The following TMEM101 variants were observed in gnomAD, a reference collection of about 807,000 sequenced individuals.
TMEM101 encodes the protein putative NF-kappa-B-activating protein 130.
In TMEM101, 14 loss-of-function variants were observed where a neutral mutation model predicts 26.0. That is an observed-to-expected ratio of 0.54 (90% confidence interval 0.36 to 0.84). TMEM101 has a LOEUF of 0.84. TMEM101 is among the 40% of genes least tolerant of loss of function. The probability of loss-of-function intolerance (pLI) is 0.01; values close to 1 mark genes in which losing one functional copy is unlikely to be tolerated. For synonymous variants in TMEM101, 152 were observed against 145.1 expected (o/e 1.05, Z -0.34); for missense variants, 292 against 345.1 (o/e 0.85, Z 1.22).
At chr17:44,019,618 G>A (rs1168680248), upstream of TMEM101, among the ~76,000 whole-genome samples, 1 of 152,182 alleles carries the variant, frequency 6.6e-6, no homozygotes, top group East Asian at 1.9e-4. Flanking sequence ...GCCTCAAGGG[G>A]CTCACACAAC....
chr17:44,012,518 G>C (rs919161401), intron 3 of TMEM101: 47 of 501,334 alleles, frequency 9.4e-5, no homozygotes, highest in Middle Eastern at 5.1e-4. Context: ...CCCACACAGA[G>C]AGCTGTACAG....
At chr17:44,013,226 G>C in intron 2 of TMEM101, 71 bp from the exon 3 acceptor site, 33 of 1,388,626 alleles carry the variant, frequency 2.4e-5, no homozygotes, top group Non-Finnish European at 3.1e-5. Flanking sequence ...CCAGAGTGTA[G>C]AACCACCCCT....
intron 2 of TMEM101, 62 bp from the exon 3 acceptor site, chr17:44,013,217 CAGAGTGT>C: frequency 2.3e-5 from 34 of 1,450,558 alleles, no homozygotes; most frequent in Non-Finnish European, 3.1e-5. Context: ...CCTGGCTTCC[CAGAGTGT>C]AGAACCACCC....
At chr17:44,015,043 CT>C (rs1264844015), upstream of TMEM101, 1 of 1,483,098 alleles carries the variant, frequency 6.7e-7, no homozygotes, top group Admixed American at 2.4e-5. Flanking sequence ...AGCGCTTTTT[CT>C]TTTTCCTCCC....
chr17:44,019,572 G>T, upstream of TMEM101: 1 of 158,358 alleles, frequency 6.3e-6, no homozygotes, highest in South Asian at 1.6e-4. Flanking sequence ...GGAATAGATT[G>T]AAATAGAGAT....
At chr17:44,012,271 G>A (rs751632248) in intron 3 of TMEM101, 35 bp from the exon 4 acceptor site, 4 of 1,567,840 alleles carry the variant, frequency 2.6e-6, no homozygotes, top group Non-Finnish European at 3.5e-6. Flanking sequence ...CTCTCCAACA[G>A]GCTCAGAAGC....
chr17:44,016,775 A>AT (rs1255685204), upstream of TMEM101, among the ~76,000 whole-genome samples: 3 of 151,936 alleles, frequency 2.0e-5, no homozygotes, highest in Admixed American at 6.6e-5. Flanking sequence ...CATCTGTAGT[A>AT]TACAGGATGC....
chr17:44,023,196 C>A, upstream of TMEM101: 1 of 163,240 alleles, frequency 6.1e-6, no homozygotes, highest in South Asian at 1.4e-4. Context: ...GAGCTCCAGT[C>A]ACAAGGGCCC....
chr17:44,021,089 C>T (rs924305221), intron 2 of TMEM101, among the ~76,000 whole-genome samples: 1 of 152,180 alleles, frequency 6.6e-6, no homozygotes, highest in East Asian at 1.9e-4. Flanking sequence ...CTGATGGACA[C>T]TGTACCCATA....
At position 44,014,351 on chromosome 17, in the gene TMEM101, G is replaced by C. The variant is rs372116614; in HGVS notation, c.318+6C>G. ...GGGAAGACCCTTTTGGGGCCGAGGC[G>C]CTCACCTTCAGCCAGTCCCCGTAGT... On this transcript the variant is annotated splice_donor_region_variant and intron_variant, in intron 2 of 3. Transcript: ENST00000206380. The C allele has an allele frequency of 1.9e-6, 3 of 1,545,272 alleles. No homozygotes were observed. The highest frequency in any genetic ancestry group is 1.4e-5 in the African/African-American group (1 of 72,966).
In TMEM101 at chr17:44,014,797, G is replaced by A; in HGVS notation, c.137+19C>T. On this transcript the variant is annotated intron_variant, in intron 1 of 3. Transcript: ENST00000206380. Reference sequence around the variant, plus strand: ...TCACCGCCCCCTGCCGCGTTTAGCGGCTGCGTAGGCCTGCTCACCGGCGTG... The same window carrying A: ...TCACCGCCCCCTGCCGCGTTTAGCGACTGCGTAGGCCTGCTCACCGGCGTG... 6.5e-7 allele frequency: 1 copy of A among 1,540,696 alleles called. No homozygotes were observed. The highest frequency in any genetic ancestry group is 8.8e-7 in the Non-Finnish European group (1 of 1,141,722).
upstream of TMEM101, among the ~76,000 whole-genome samples, chr17:44,016,940 C>T (rs1286502608): frequency 1.3e-5 from 2 of 151,766 alleles, no homozygotes; most frequent in Non-Finnish European, 2.9e-5. Flanking sequence ...CAAGACCAGC[C>T]TGGCCAAGAT....
At chr17:44,016,347 T>C (rs1407549599), upstream of TMEM101, among the ~76,000 whole-genome samples, 1 of 152,010 alleles carries the variant, frequency 6.6e-6, no homozygotes, top group African/African-American at 2.4e-5. Context: ...TAATTTTTAT[T>C]TTTAGTGGAG....
chr17:44,013,127 A>C lies in TMEM101; in HGVS notation c.347T>G (p.Ile116Ser), dbSNP rs553562297. Residue 116 changes from isoleucine to serine, a missense_variant, in exon 3 of 4, where the codon ATC (isoleucine) becomes AGC (serine). Transcript: ENST00000206380. ...GGCCAACACAAGAAAGCCGCCGATG[A>C]TGGCAACTGTGCGCGAGTACATACG... ...KVRMYSRTVAIIGGFLVLASG... is the reference protein window; with the variant it reads ...KVRMYSRTVASIGGFLVLASG... The C allele has an allele frequency of 6.2e-7, 1 of 1,605,812 alleles. No individual in the cohort carries two copies. The highest frequency in any genetic ancestry group is 1.3e-5 in the African/African-American group (1 of 74,904).
upstream of TMEM101, chr17:44,015,069 C>G: frequency 3.5e-6 from 5 of 1,410,282 alleles, no homozygotes; most frequent in Non-Finnish European, 4.8e-6. Context: ...ACAACGGTGT[C>G]ATTCTCTAGT....
intron 2 of TMEM101, among the ~76,000 whole-genome samples, chr17:44,020,037 CT>C (rs905803955): frequency 6.6e-6 from 1 of 152,130 alleles, no homozygotes; most frequent in African/African-American, 2.4e-5. Context: ...TCATTAAGAG[CT>C]TTTTCTACAT....
upstream of TMEM101, among the ~76,000 whole-genome samples, chr17:44,019,051 C>T (rs1016281889): frequency 2.0e-5 from 3 of 152,178 alleles, no homozygotes; most frequent in Non-Finnish European, 4.4e-5. Flanking sequence ...GTTCCTCCTA[C>T]CCCTGCCTAG....
chr17:44,019,196 G>C (rs375607665), upstream of TMEM101: 1 of 256,260 alleles, frequency 3.9e-6, no homozygotes, highest in African/African-American at 2.3e-5. Flanking sequence ...AGTTGCAATG[G>C]GAAGGGGAGA....
At chr17:44,012,331 C>A (rs2049171736) in intron 3 of TMEM101, 95 bp from the exon 4 acceptor site, 8 of 1,215,590 alleles carry the variant, frequency 6.6e-6, no homozygotes, top group South Asian at 6.1e-5. Context: ...TGAGTCCCTG[C>A]AGATGGGCTT....
Sources: gnomAD v4.1 joint callset for allele counts (sites outside exome capture counted in the v4.1 genomes callset) on GRCh38, gnomAD v4.1.1 for gene constraint, MANE v1.5 for transcripts, NCBI Gene and HGNC (gene_info 2026-07-23, HGNC 2026-07-21) for gene names.